CHD8: variants seen among roughly 807,000 people sequenced by gnomAD.
CHD8 encodes ATP-dependent chromatin remodeler CHD8.
In CHD8, 31 loss-of-function variants were observed where a neutral mutation model predicts 279.2. The observed-to-expected ratio is 0.11, with a 90% confidence interval of 0.08 to 0.15. The LOEUF is 0.15. Ranked by LOEUF, CHD8 falls within the 10% of genes least tolerant of loss-of-function variation. CHD8 has a pLI of 1.00. For synonymous variants in CHD8, 1,081 were observed against 1,139.6 expected (o/e 0.95, Z 1.04); for missense variants, 2,146 against 3,230.5 (o/e 0.66, Z 8.14).
At position 21,402,896 on chromosome 14, in the gene CHD8, T is replaced by A; in HGVS notation, c.3714+121A>T. ...ACGTTTGCTGATTCCCTGACCTAAC[T>A]GCCACCCTTAACTAAGGAAACAATT... On this transcript the variant is annotated intron_variant, in intron 18 of 37. Transcript: ENST00000646647. This position sits in a 1 kb window ranked among gnomAD's most constrained non-coding sequence, Gnocchi z 4.5. 1 of 788,122 alleles carries A rather than the reference T, an allele frequency of 1.3e-6. No homozygotes were observed. The highest frequency in any genetic ancestry group is 2.0e-6 in the Non-Finnish European group (1 of 501,560). The allele number at this position is 788,122 out of a possible 1,614,324, so 48.8% of individuals were successfully genotyped here.
chr14:21,429,854 G>A, intron 2 of CHD8: 1 of 202,036 alleles, frequency 4.9e-6, no homozygotes, highest in Non-Finnish European at 1.0e-5. Flanking sequence ...TGTTTCCCAG[G>A]CTGGTCTCGA....
chr14:21,386,042 C>T lies in CHD8; in HGVS notation c.7317G>A (p.Gly2439=). ...MMALMQGGST[G]SLSLHNTFQH... ...GGAACGTGTTATGCAGAGATAGAGA[C>T]CCAGTGCTTCCACCCTGCATGAGGG... is the stretch of plus-strand genomic sequence containing the variant. The change falls in exon 38 of 38, where the codon GGG becomes GGA. Residue 2439 remains glycine, a synonymous_variant. Transcript: ENST00000646647. 1.3e-6 allele frequency: 2 copies of T among 1,595,110 alleles called. No homozygotes were observed. The highest frequency in any genetic ancestry group is 1.7e-6 in the Non-Finnish European group (2 of 1,170,518).
chr14:21,387,525 T>G (rs908122550), intron 37 of CHD8, among the ~76,000 whole-genome samples: 4 of 150,208 alleles, frequency 2.7e-5, no homozygotes, highest in Non-Finnish European at 4.4e-5. Flanking sequence ...TCCCAGCTAC[T>G]GGGGAGGCTG....
Position 21,408,608 on chromosome 14 carries a change from A to C in CHD8, c.2487-53T>G, listed in dbSNP as rs887389417. ...ATGTTAAAAGATACTATCTTTAAAA[A>C]AAATAGAGTATGTAGGAAGAAATTG... On this transcript the variant is annotated intron_variant, in intron 12 of 37. Coordinates refer to ENST00000646647, the MANE Select transcript of CHD8 (RefSeq NM_001170629.2). The surrounding 1 kb of genome is among the most constrained non-coding windows in gnomAD (Gnocchi z 4.3). 4 of 1,570,978 alleles carry C rather than the reference A, an allele frequency of 2.5e-6. No individual in the cohort carries two copies. The highest frequency in any genetic ancestry group is 3.5e-6 in the Non-Finnish European group (4 of 1,159,042).
intron 27 of CHD8, chr14:21,397,607 C>T: frequency 2.0e-6 from 1 of 499,244 alleles, no homozygotes; most frequent in South Asian, 2.1e-5. Context: ...ATCAAATAAG[C>T]CATTTACAAG....
intron 37 of CHD8, among the ~76,000 whole-genome samples, chr14:21,386,698 A>G (rs569247667): frequency 4.6e-5 from 7 of 152,226 alleles, no homozygotes; most frequent in Admixed American, 2.0e-4. Flanking sequence ...TTAGCTGGGC[A>G]AGGTGGCGGG....
At chr14:21,390,799 G>T in intron 37 of CHD8, 148 bp downstream of exon 37, 1 of 537,562 alleles carries the variant, frequency 1.9e-6, no homozygotes, top group Non-Finnish European at 3.3e-6. Flanking sequence ...AGAAAACTCC[G>T]GTTTCCTTAT....
chr14:21,447,039 G>C (rs1890139614), intron 1 of CHD8, among the ~76,000 whole-genome samples: 1 of 152,186 alleles, frequency 6.6e-6, no homozygotes, highest in Non-Finnish European at 1.5e-5. Context: ...CCAGTTGAAG[G>C]TGTGTGGGAG....
chr14:21,407,782 T>C (rs1888315287), intron 13 of CHD8, among the ~76,000 whole-genome samples: 1 of 152,082 alleles, frequency 6.6e-6, no homozygotes, highest in South Asian at 2.1e-4. Context: ...CTAATTTTTA[T>C]ATCTTTAGTA....
chr14:21,411,217 T>C (rs937494132), intron 10 of CHD8, among the ~76,000 whole-genome samples: 1 of 151,918 alleles, frequency 6.6e-6, no homozygotes, highest in African/African-American at 2.4e-5. Flanking sequence ...AATTTAAGAG[T>C]AGCTAACAAC....
chr14:21,420,110 C>A (rs17105120), intron 5 of CHD8: 8,945 of 156,168 alleles, frequency 0.057, 499 homozygotes, highest in African/African-American at 0.15. Context: ...TCACTCAGGG[C>A]ACCTGCCCTC....
At chr14:21,418,998 G>A (rs554222486) in intron 5 of CHD8, among the ~76,000 whole-genome samples, 100 of 152,218 alleles carry the variant, frequency 6.6e-4, no homozygotes, top group Non-Finnish European at 1.1e-3. Context: ...AAGTAACTTC[G>A]ATACATTTGT....
intron 1 of CHD8, among the ~76,000 whole-genome samples, chr14:21,434,935 A>G (rs1875491907): frequency 6.6e-6 from 1 of 152,174 alleles, no homozygotes; most frequent in African/African-American, 2.4e-5. Context: ...AATCCTCTCA[A>G]CCATCTCATG....
Position 21,402,466 on chromosome 14 carries a change from G to A in CHD8, c.3752C>T (p.Ala1251Val). The A allele has an allele frequency of 6.2e-7, 1 of 1,613,524 alleles. No homozygotes were observed. Among genetic ancestry groups the A allele is most frequent in the Non-Finnish European group, 8.5e-7 (1 of 1,179,606 alleles). The part of the protein sequence containing the change: ...ARCHRIGQSK[A>V]VKVYRLITRN... ...AGTGATGAGGCGGTACACCTTCACA[G>A]CTTTGCTCTGCCCAATTCGATGACA... Residue 1251 changes from alanine (A) to valine (V), a missense_variant, in exon 19 of 38, where the codon GCT becomes GTT. Physicochemically the swap from Ala to Val is moderately conservative, Grantham distance 64. This residue lies in a region of CHD8 where 35 missense variants were observed against 82.4 expected (regional missense o/e 0.42). Coordinates refer to ENST00000646647, the MANE Select transcript of CHD8 (RefSeq NM_001170629.2). This position sits in a 1 kb window ranked among gnomAD's most constrained non-coding sequence, Gnocchi z 4.5.
Position 21,402,297 on chromosome 14 carries a change from G to T in CHD8, c.3882+39C>A. 6.2e-7 allele frequency: 1 copy of T among 1,604,922 alleles called. No homozygotes were observed. The highest frequency in any genetic ancestry group is 1.1e-5 in the South Asian group (1 of 90,906). ...AGCTTTTGTTTCCCTCTATCACAATGATCTACTACAAACTTATCTATAAAC... is the reference window on the plus strand; with the variant it reads ...AGCTTTTGTTTCCCTCTATCACAATTATCTACTACAAACTTATCTATAAAC... On this transcript the variant is annotated intron_variant, in intron 19 of 37. Coordinates refer to ENST00000646647, the MANE Select transcript of CHD8 (RefSeq NM_001170629.2). This position sits in a 1 kb window ranked among gnomAD's most constrained non-coding sequence, Gnocchi z 4.5.
At chr14:21,386,442 A>G (rs928441563) in intron 37 of CHD8, 26 of 521,016 alleles carry the variant, frequency 5.0e-5, no homozygotes, top group Non-Finnish European at 8.3e-5. Flanking sequence ...TCTTTTCCCC[A>G]TGACTATATT....
Position 21,415,847 on chromosome 14 carries a change from T to C in CHD8, c.1777A>G (p.Ile593Val). 1 of 1,614,032 alleles carries C rather than the reference T, an allele frequency of 6.2e-7. No individual in the cohort carries two copies. Among genetic ancestry groups the C allele is most frequent in the Non-Finnish European group, 8.5e-7 (1 of 1,179,886 alleles). ...TCTTCTTCTTCTTCATCATCTGTGATCTTTATATCCAGGTCCTCTGTATAT... is the reference window on the plus strand; with the variant it reads ...TCTTCTTCTTCTTCATCATCTGTGACCTTTATATCCAGGTCCTCTGTATAT... ...KKYTEDLDIKITDDEEEEEVD... is the reference protein window; with the variant it reads ...KKYTEDLDIKVTDDEEEEEVD... The change falls in exon 6 of 38, where the codon ATC (isoleucine) becomes GTC (valine). Residue 593 changes from isoleucine (I) to valine (V), a missense_variant. Coordinates refer to ENST00000646647, the MANE Select transcript of CHD8 (RefSeq NM_001170629.2).
chr14:21,398,005 G>A (rs1445410353), intron 26 of CHD8, 53 bp from the exon 27 acceptor site: 2 of 1,519,640 alleles, frequency 1.3e-6, no homozygotes, highest in Non-Finnish European at 1.8e-6. Context: ...TTGCCTTTAT[G>A]CTTACTTTAT....
rs774926476 is a variant in CHD8 at position 21,408,619 on chromosome 14, T to C, written c.2487-64A>G. The C allele has an allele frequency of 4.0e-4, 624 of 1,567,150 alleles. No individual in the cohort carries two copies. Among genetic ancestry groups the C allele is most frequent in the Non-Finnish European group, 4.7e-4 (544 of 1,157,302 alleles). ...TACTATCTTTAAAAAAAATAGAGTA[T>C]GTAGGAAGAAATTGTTTCAATAGAA... is the stretch of plus-strand genomic sequence containing the variant. On this transcript the variant is annotated intron_variant, in intron 12 of 37. Coordinates refer to ENST00000646647, the MANE Select transcript of CHD8 (RefSeq NM_001170629.2). The surrounding 1 kb of genome is among the most constrained non-coding windows in gnomAD (Gnocchi z 4.3).
Sources: allele counts gnomAD v4.1 joint callset (sites outside exome capture counted in the v4.1 genomes callset), GRCh38; gene constraint gnomAD v4.1.1; regional missense constraint gnomAD v4.1.1; non-coding constraint Gnocchi (gnomAD v3.1); transcripts MANE v1.5; gene names NCBI Gene and HGNC (gene_info 2026-07-23, HGNC 2026-07-21).